The following ACTR3C variants were observed in gnomAD, a reference collection of about 807,000 sequenced individuals.
ACTR3C encodes actin-related protein 3C.
ACTR3C carries 18 observed loss-of-function variants against 26.3 expected under a neutral mutation model. The observed-to-expected ratio is 0.68, with a 90% CI of 0.47 to 1.01. ACTR3C has a LOEUF of 1.01. ACTR3C is among the 50% of genes least tolerant of loss of function. The pLI is 0.00. For missense variants in ACTR3C, 184 were observed against 250.7 expected, an observed-to-expected ratio of 0.73 and a Z score of 1.80; for synonymous variants, 55 against 94.5, an observed-to-expected ratio of 0.58 and a Z score of 2.42.
the ACTR3C span, among the ~76,000 whole-genome samples, chr7:150,048,134 T>C: frequency 1.6e-4 from 24 of 151,918 alleles, no homozygotes; most frequent in African/African-American, 3.6e-4. Context: ...ATAATTTTTT[T>C]CCCCAACTCC....
the ACTR3C span, among the ~76,000 whole-genome samples, chr7:150,179,936 T>C: frequency 6.6e-6 from 1 of 151,510 alleles, no homozygotes; most frequent in Non-Finnish European, 1.5e-5. Context: ...CTTTTTTTCT[T>C]ATTATGATAA....
chr7:150,284,479 G>A (rs1039674916), intron 6 of ACTR3C, among the ~76,000 whole-genome samples: 14 of 152,182 alleles, frequency 9.2e-5, no homozygotes, highest in Admixed American at 9.2e-4. Flanking sequence ...CCAGGAGGCG[G>A]AGGTTATAGT....
chr7:149,911,087 G>C, the ACTR3C span, among the ~76,000 whole-genome samples: 2 of 152,012 alleles, frequency 1.3e-5, no homozygotes, highest in East Asian at 1.9e-4. Context: ...CCACCTACAA[G>C]GTAGAATTCA....
At chr7:149,884,675 A>T in the ACTR3C span, among the ~76,000 whole-genome samples, 2 of 151,986 alleles carry the variant, frequency 1.3e-5, no homozygotes, top group Admixed American at 6.6e-5. Flanking sequence ...TTACAAGAGA[A>T]CCTCCAGGGA....
At chr7:150,037,525 A>T in the ACTR3C span, among the ~76,000 whole-genome samples, 3 of 31,366 alleles carry the variant, frequency 9.6e-5, 1 homozygote, top group African/African-American at 3.4e-4. Flanking sequence ...CTCAGTCCCC[A>T]CCTTCGCGGG....
the ACTR3C span, among the ~76,000 whole-genome samples, chr7:150,212,276 A>T: frequency 3.4e-5 from 5 of 147,894 alleles, no homozygotes; most frequent in Admixed American, 6.6e-5. Flanking sequence ...ATAGCTTTTG[A>T]CTTAAAAAAA....
chr7:150,305,497 T>G (rs535120467), intron 1 of ACTR3C, among the ~76,000 whole-genome samples: 3 of 151,980 alleles, frequency 2.0e-5, no homozygotes, highest in Admixed American at 1.3e-4. Context: ...CTCTCCACAC[T>G]CCCCCGCTCT....
chr7:150,319,626 C>G (rs1797292525), intron 1 of ACTR3C, among the ~76,000 whole-genome samples: 1 of 152,218 alleles, frequency 6.6e-6, no homozygotes, highest in Non-Finnish European at 1.5e-5. Flanking sequence ...AAGATGGAGG[C>G]AAAGCACTTT....
chr7:150,204,613 C>T, the ACTR3C span, among the ~76,000 whole-genome samples: 3 of 152,222 alleles, frequency 2.0e-5, no homozygotes, highest in Non-Finnish European at 4.4e-5. Context: ...CCATGTGATG[C>T]TGTATCCTTT....
the ACTR3C span, among the ~76,000 whole-genome samples, chr7:150,042,137 C>A: frequency 7.2e-4 from 32 of 44,304 alleles, no homozygotes; most frequent in Admixed American, 8.9e-4. Context: ...TCCTAAGAGC[C>A]AGTGGGGGAA....
At chr7:150,049,224 C>A in the ACTR3C span, among the ~76,000 whole-genome samples, 1 of 152,072 alleles carries the variant, frequency 6.6e-6, no homozygotes, top group Admixed American at 6.5e-5. Flanking sequence ...CCGGCCCTCC[C>A]GCGTCCTCCC....
the ACTR3C span, among the ~76,000 whole-genome samples, chr7:150,056,118 A>G: frequency 7.2e-5 from 11 of 152,230 alleles, no homozygotes; most frequent in African/African-American, 2.4e-4. Context: ...CTTTAGGTAG[A>G]TCGGTAGCTT....
At chr7:149,938,960 TATA>T in the ACTR3C span, among the ~76,000 whole-genome samples, 1 of 128,896 alleles carries the variant, frequency 7.8e-6, no homozygotes, top group Admixed American at 7.8e-5. Context: ...TATATAAAAA[TATA>T]TTATATACAT....
chr7:150,230,237 G>A, the ACTR3C span, among the ~76,000 whole-genome samples: 1 of 151,974 alleles, frequency 6.6e-6, no homozygotes, highest in Non-Finnish European at 1.5e-5. Context: ...AAAAAAGAAA[G>A]AAAAAAAGAA....
the ACTR3C span, among the ~76,000 whole-genome samples, chr7:150,208,616 T>C: frequency 7.9e-5 from 12 of 152,152 alleles, no homozygotes; most frequent in African/African-American, 2.9e-4. Flanking sequence ...TTCCACCCAG[T>C]AAATCTTTAA....
the ACTR3C span, among the ~76,000 whole-genome samples, chr7:150,119,602 C>T: frequency 6.6e-6 from 1 of 152,272 alleles, no homozygotes; most frequent in Non-Finnish European, 1.5e-5. Flanking sequence ...TAGAGAACTA[C>T]AAAGAGACTT....
At chr7:149,946,797 G>A in the ACTR3C span, among the ~76,000 whole-genome samples, 1 of 152,180 alleles carries the variant, frequency 6.6e-6, no homozygotes, top group Non-Finnish European at 1.5e-5. Flanking sequence ...ATCATAATAA[G>A]GCATCAGAAT....
intron 6 of ACTR3C, among the ~76,000 whole-genome samples, chr7:150,277,901 A>G (rs1220543240): frequency 2.0e-5 from 3 of 152,186 alleles, no homozygotes. Flanking sequence ...AAGTTGGGTC[A>G]CATTACACTC....
the ACTR3C span, among the ~76,000 whole-genome samples, chr7:149,981,089 C>A: frequency 6.6e-6 from 1 of 152,060 alleles, no homozygotes; most frequent in Non-Finnish European, 1.5e-5. Flanking sequence ...CCCCACCTTA[C>A]AATTGAAAGT....
Sources: gnomAD v4.1 joint callset for allele counts (sites outside exome capture counted in the v4.1 genomes callset) on GRCh38, gnomAD v4.1.1 for gene constraint, MANE v1.5 for transcripts, NCBI Gene and HGNC (gene_info 2026-07-23, HGNC 2026-07-21) for gene names.